The following GNA11 variants were observed in gnomAD, a reference collection of about 807,000 sequenced individuals.
GNA11 encodes the protein G protein subunit alpha 11.
A neutral mutation model predicts 38.2 loss-of-function variants in GNA11; 8 were observed. The ratio of observed to expected loss-of-function variants is 0.21; its 90% CI spans 0.12 to 0.38. The LOEUF (loss-of-function observed/expected upper bound fraction) is 0.38, where lower values mean the gene tolerates loss of function less well. GNA11 is among the 10% of genes least tolerant of loss of function. GNA11 has a pLI of 1.00. For synonymous variants in GNA11, 211 were observed against 221.4 expected, an observed-to-expected ratio of 0.95 and a Z score of 0.42; for missense variants, 268 against 516.3, an observed-to-expected ratio of 0.52 and a Z score of 4.66.
At position 3,122,949 on chromosome 19, in the gene GNA11, C is replaced by T. The variant is rs538851067; in HGVS notation, c.*1770C>T. 2 of 233,442 alleles carry T rather than the reference C, an allele frequency of 8.6e-6. No homozygotes were observed. Among genetic ancestry groups the T allele is most frequent in the African/African-American group, 4.4e-5 (2 of 45,350 alleles). The allele number at this position is 233,442 out of a possible 1,614,324, so 14.5% of individuals were successfully genotyped here. On this transcript the variant is annotated 3_prime_UTR_variant, in exon 7 of 7. Transcript: ENST00000078429. The surrounding 1 kb of genome is among the most constrained non-coding windows in gnomAD (Gnocchi z 7.7). ...GGAGACGGGGCTGGCGGGATACCCC[C>T]CCCCCGGCTTCCCCACACCACTTCT...
Position 3,115,010 on chromosome 19 carries a change from G to A in GNA11, c.543G>A (p.Arg181=), listed in dbSNP as rs1387749615. The A allele has an allele frequency of 6.2e-7, 1 of 1,613,162 alleles. No individual in the cohort carries two copies. The highest frequency in any genetic ancestry group is 1.7e-5 in the Admixed American group (1 of 59,996). The change falls in exon 4 of 7, where the codon CGG becomes CGA. Residue 181 remains arginine (R), a synonymous_variant. Transcript: ENST00000078429. The part of the protein sequence containing the change: ...GYLPTQQDVL[R]VRVPTTGIIE... ...TGCCCACCCAGCAGGACGTGCTGCGGGTCCGCGTGCCCACCACCGGCATCA... is the reference window on the plus strand; with the variant it reads ...TGCCCACCCAGCAGGACGTGCTGCGAGTCCGCGTGCCCACCACCGGCATCA...
Position 3,122,557 on chromosome 19 carries a change from C to T in GNA11, c.*1378C>T, listed in dbSNP as rs969193656. 6 of 232,956 alleles carry T rather than the reference C, an allele frequency of 2.6e-5. No individual in the cohort carries two copies. The highest frequency in any genetic ancestry group is 6.6e-5 in the African/African-American group (3 of 45,428). 14.4% of individuals were successfully genotyped at this position (232,956 alleles called of 1,614,324 possible). ...CCCGAGAGACTCGGAAGGTGGGGAA[C>T]GAGGGGACTGTGTTTGGGGAGGTGG... On this transcript the variant is annotated 3_prime_UTR_variant, in exon 7 of 7. Transcript: ENST00000078429. The surrounding 1 kb of genome is among the most constrained non-coding windows in gnomAD (Gnocchi z 7.7).
Position 3,119,033 on chromosome 19 carries a change from C to T in GNA11, c.715C>T (p.Leu239=), listed in dbSNP as rs2145326363. The T allele has an allele frequency of 6.2e-7, 1 of 1,613,898 alleles. No individual in the cohort carries two copies. Among genetic ancestry groups the T allele is most frequent in the Non-Finnish European group, 8.5e-7 (1 of 1,179,950 alleles). ...CGCCCTCAGCGAATACGACCAAGTC[C>T]TGGTGGAGTCGGACAACGAGGTGGG... ...LVALSEYDQV[L]VESDNENRME... Residue 239 remains leucine, a synonymous_variant, in exon 5 of 7, where the codon CTG becomes TTG. Coordinates refer to ENST00000078429, the MANE Select transcript of GNA11 (RefSeq NM_002067.5). The surrounding 1 kb of genome is among the most constrained non-coding windows in gnomAD (Gnocchi z 4.6).
chr19:3,104,802 G>C (rs1219706354), intron 1 of GNA11, among the ~76,000 whole-genome samples: 1 of 152,214 alleles, frequency 6.6e-6, no homozygotes, highest in Non-Finnish European at 1.5e-5. Flanking sequence ...GGGAATGGCA[G>C]AGCCACCCTC....
In GNA11 at chr19:3,097,417, C is replaced by T. The variant is rs563217469; in HGVS notation, c.136+2630C>T. ...TGGATGTCGGGGAGGGAGGCAGGGG[C>T]CTGCCACCACACCCCTGTGGCATCT... On this transcript the variant is annotated intron_variant, in intron 1 of 6. Coordinates refer to ENST00000078429, the MANE Select transcript of GNA11 (RefSeq NM_002067.5). 2.0e-5 allele frequency among the ~76,000 whole-genome samples: 3 copies of T among 152,278 alleles called. No homozygotes were observed. In the East Asian group the frequency reaches 5.8e-4, roughly 29 times the overall value.
intron 4 of GNA11, among the ~76,000 whole-genome samples, chr19:3,116,260 C>T (rs538000815): frequency 3.9e-4 from 60 of 152,278 alleles, no homozygotes; most frequent in African/African-American, 1.4e-3. Context: ...ATAACATCTC[C>T]AGCGCTGAGG....
At chr19:3,104,572 T>C (rs571688201) in intron 1 of GNA11, among the ~76,000 whole-genome samples, 1 of 152,256 alleles carries the variant, frequency 6.6e-6, no homozygotes, top group Non-Finnish European at 1.5e-5. Flanking sequence ...TGCAGTCAGG[T>C]CCATCCTGAC....
intron 1 of GNA11, among the ~76,000 whole-genome samples, chr19:3,101,299 G>T (rs1010508133): frequency 2.6e-4 from 39 of 152,148 alleles, no homozygotes; most frequent in African/African-American, 8.7e-4. Context: ...CTGTTCTGTT[G>T]CCTGTCTTAA....
chr19:3,105,105 G>T (rs923817359), intron 1 of GNA11, among the ~76,000 whole-genome samples: 1 of 151,922 alleles, frequency 6.6e-6, no homozygotes, highest in African/African-American at 2.4e-5. Context: ...TGGGAGGGGT[G>T]CATGTGAAGT....
Position 3,119,138 on chromosome 19 carries a change from C to A in GNA11, c.736-68C>A, listed in dbSNP as rs917913405. 32 of 1,603,496 alleles carry A rather than the reference C, an allele frequency of 2.0e-5. No homozygotes were observed. Among genetic ancestry groups the A allele is most frequent in the Non-Finnish European group, 2.6e-5 (31 of 1,172,028 alleles). On this transcript the variant is annotated intron_variant, in intron 5 of 6. Coordinates refer to ENST00000078429, the MANE Select transcript of GNA11 (RefSeq NM_002067.5). This position sits in a 1 kb window ranked among gnomAD's most constrained non-coding sequence, Gnocchi z 4.6. The stretch of plus-strand genomic sequence containing the variant: ...CTGGGTCCCCTCACCTGGGTCCCCC[C>A]AGCTGCCCCTTGGGCTGTGTGCAGT...
At chr19:3,103,767 G>A (rs1296860602) in intron 1 of GNA11, among the ~76,000 whole-genome samples, 2 of 150,780 alleles carry the variant, frequency 1.3e-5, no homozygotes, top group Non-Finnish European at 2.9e-5. Flanking sequence ...GCAGTGGCAC[G>A]ATCTCAGCTC....
At chr19:3,102,482 C>T (rs1187905646) in intron 1 of GNA11, among the ~76,000 whole-genome samples, 1 of 152,222 alleles carries the variant, frequency 6.6e-6, no homozygotes, top group Non-Finnish European at 1.5e-5. Context: ...GTCTTCTTGC[C>T]TCCCTGCCTG....
intron 1 of GNA11, among the ~76,000 whole-genome samples, chr19:3,095,802 T>C (rs1913348989): frequency 6.6e-6 from 1 of 151,838 alleles, no homozygotes; most frequent in African/African-American, 2.4e-5. Flanking sequence ...TGAGTCCTCG[T>C]TGAGAGCAGC....
rs2145318569 is a variant in GNA11 at position 3,113,375 on chromosome 19, A to T, written c.367A>T (p.Thr123Ser). The T allele has an allele frequency of 6.2e-7, 1 of 1,613,332 alleles. No homozygotes were observed. The highest frequency in any genetic ancestry group is 8.5e-7 in the Non-Finnish European group (1 of 1,179,822). The change falls in exon 3 of 7, where the codon ACC becomes TCC. Residue 123 changes from threonine to serine, a missense_variant. This residue lies in a region of GNA11 where 151 missense variants were observed against 254.0 expected (regional missense o/e 0.59). Transcript: ENST00000078429. ...IREVDVEKVT[T>S]FEHQYVSAIK... ...GGAGGTGGACGTGGAGAAGGTGACC[A>T]CCTTCGAGCATCAGTACGTCAGTGC...
In GNA11 at chr19:3,123,575, C is replaced by T. The variant is rs536851297; in HGVS notation, c.*2396C>T. The T allele has an allele frequency of 9.9e-5, 23 of 233,178 alleles. No homozygotes were observed. The highest frequency in any genetic ancestry group is 4.4e-4 in the African/African-American group (20 of 45,456). 14.4% of individuals were successfully genotyped at this position (233,178 alleles called of 1,614,324 possible). A position where few individuals can be genotyped will look rare whatever the true frequency, so the allele number is the denominator to read the frequency against. ...TCTCGTGAGTGCCGACCACCTTCTC[C>T]GACCATGTTACGCCCGGGCGGCAGC... On this transcript the variant is annotated 3_prime_UTR_variant, in exon 7 of 7. Transcript: ENST00000078429.
Position 3,120,220 on chromosome 19 carries a change from C to G in GNA11, c.890-769C>G, listed in dbSNP as rs999338237. ...GGTCTGGCACACGGTATAGCCTCGG[C>G]CGCTGGCTGCAGGCGCAGGGCCCTG... is the stretch of plus-strand genomic sequence containing the variant. On this transcript the variant is annotated intron_variant, in intron 6 of 6. Coordinates refer to ENST00000078429, the MANE Select transcript of GNA11 (RefSeq NM_002067.5). The surrounding 1 kb of genome is among the most constrained non-coding windows in gnomAD (Gnocchi z 5.9). Among the ~76,000 whole-genome samples the G allele has an allele frequency of 1.3e-5, 2 of 152,116 alleles. No homozygotes were observed. The highest frequency in any genetic ancestry group is 2.9e-5 in the Non-Finnish European group (2 of 67,982).
At chr19:3,118,516 C>T (rs55849164) in intron 4 of GNA11, 3,999 of 192,712 alleles carry the variant, frequency 0.021, 65 homozygotes, top group Non-Finnish European at 0.032. Flanking sequence ...CTGCGAGTGA[C>T]GCTTGGTGAA....
At chr19:3,102,287 C>A (rs1913525218) in intron 1 of GNA11, among the ~76,000 whole-genome samples, 1 of 152,170 alleles carries the variant, frequency 6.6e-6, no homozygotes, top group Admixed American at 6.5e-5. Flanking sequence ...AGTATCTGCA[C>A]CTTTGAGGCA....
At chr19:3,106,804 C>A (rs572115917) in intron 1 of GNA11, among the ~76,000 whole-genome samples, 3 of 152,360 alleles carry the variant, frequency 2.0e-5, no homozygotes, top group Non-Finnish European at 4.4e-5. Context: ...CACGTTAATG[C>A]ATATGTATGT....
Sources: gnomAD v4.1 joint callset for allele counts (sites outside exome capture counted in the v4.1 genomes callset) on GRCh38, gnomAD v4.1.1 for gene constraint, gnomAD v4.1.1 regional missense constraint, Gnocchi (gnomAD v3.1) non-coding constraint, MANE v1.5 for transcripts, NCBI Gene and HGNC (gene_info 2026-07-23, HGNC 2026-07-21) for gene names.